Variants in HCN2 observed in about 807,000 individuals in gnomAD.
HCN2 encodes the protein potassium/sodium hyperpolarization-activated cyclic nucleotide-gated channel 2.
In HCN2, 20 loss-of-function variants were observed where a neutral mutation model predicts 52.3. The observed-to-expected ratio is 0.38, with a 90% CI of 0.27 to 0.56. HCN2 has a LOEUF of 0.56. Ranked by LOEUF, HCN2 falls within the 20% of genes least tolerant of loss-of-function variation. The pLI is 0.71. For missense variants in HCN2, 981 were observed against 1,207.7 expected (o/e 0.81, Z 2.78); for synonymous variants, 694 against 537.0 (o/e 1.29, Z -4.04).
intron 2 of HCN2, 73 bp from the exon 3 acceptor site, chr19:604,988 G>A (rs113541645): frequency 0.19 from 272,891 of 1,464,144 alleles, 28,250 homozygotes; most frequent in East Asian, 0.37. Context: ...CAGTGGGGGC[G>A]CACGGGGCTG....
In HCN2 at chr19:590,535, A is replaced by G. The variant is rs777183606; in HGVS notation, c.590A>G (p.Lys197Arg). The G allele has an allele frequency of 6.6e-7, 1 of 1,509,862 alleles. No individual in the cohort carries two copies. Among genetic ancestry groups the G allele is most frequent in the African/African-American group, 1.4e-5 (1 of 69,670 alleles). 93.5% of individuals were successfully genotyped at this position (1,509,862 alleles called of 1,614,324 possible). A position where few individuals can be genotyped will look rare whatever the true frequency, so the allele number is the denominator to read the frequency against. Residue 197 changes from lysine to arginine, a missense_variant, in exon 1 of 8, where the codon AAG becomes AGG. Lys to Arg is a conservative substitution (Grantham distance 26). This residue lies in a region of HCN2 where 23 missense variants were observed against 20.3 expected (regional missense o/e 1.13). Coordinates refer to ENST00000251287, the MANE Select transcript of HCN2 (RefSeq NM_001194.4). This position sits in a 1 kb window ranked among gnomAD's most constrained non-coding sequence, Gnocchi z 7.2. Reference sequence around the variant, plus strand: ...GTGGAGCGCGAGCAGGAGCGCGTCAAGTCGGCGGGGGCCTGGATCATCCAC... The same window carrying G: ...GTGGAGCGCGAGCAGGAGCGCGTCAGGTCGGCGGGGGCCTGGATCATCCAC... ...KAVEREQERV[K>R]SAGAWIIHPY...
chr19:614,442 A>G (rs1340032361), intron 7 of HCN2, among the ~76,000 whole-genome samples: 3 of 152,116 alleles, frequency 2.0e-5, no homozygotes, highest in Non-Finnish European at 4.4e-5. Context: ...ATCACACACG[A>G]CTGGGCTGTG....
intron 1 of HCN2, among the ~76,000 whole-genome samples, chr19:598,769 AT>A (rs1487430037): frequency 1.1e-4 from 16 of 152,166 alleles, no homozygotes; most frequent in African/African-American, 1.7e-4. Context: ...ACACAAAAAA[AT>A]AATACATTTT....
chr19:602,345 C>T (rs868305474), intron 1 of HCN2, among the ~76,000 whole-genome samples: 11 of 100,000 alleles, frequency 1.1e-4, no homozygotes, highest in Admixed American at 5.2e-4. Context: ...CCTGCGTGGA[C>T]GCCCCACTTC....
At chr19:615,687 C>A in intron 7 of HCN2, 108 bp from the exon 8 acceptor site, 1 of 1,029,232 alleles carries the variant, frequency 9.7e-7, no homozygotes, top group Non-Finnish European at 1.5e-6. Flanking sequence ...CATGCTTGCT[C>A]TACACGGCAA....
chr19:616,326 C>A lies in HCN2; in HGVS notation c.2522C>A (p.Ala841Asp). Residue 841 changes from alanine (A) to aspartate (D), a missense_variant, in exon 8 of 8, where the codon GCC becomes GAC. Transcript: ENST00000251287. The part of the protein sequence containing the change: ...APGPAASTRP[A>D]SSSTPRLGPT... ...GGCCCCGCGGCCTCCACACGCCCGG[C>A]CAGCAGCTCCACACCGCGCTTGGGG... 8.5e-7 allele frequency: 1 copy of A among 1,176,706 alleles called. No homozygotes were observed. The highest frequency in any genetic ancestry group is 1.1e-6 in the Non-Finnish European group (1 of 942,568). 72.9% of individuals were successfully genotyped at this position (1,176,706 alleles called of 1,614,324 possible). A position where few individuals can be genotyped will look rare whatever the true frequency, so the allele number is the denominator to read the frequency against.
chr19:590,734 G>A lies in HCN2; in HGVS notation c.632+157G>A. 1 of 451,474 alleles carries A rather than the reference G, an allele frequency of 2.2e-6. No individual in the cohort carries two copies. The highest frequency in any genetic ancestry group is 3.4e-6 in the Non-Finnish European group (1 of 292,258). The allele number at this position is 451,474 out of a possible 1,614,324, so 28.0% of individuals were successfully genotyped here. A position where few individuals can be genotyped will look rare whatever the true frequency, so the allele number is the denominator to read the frequency against. On this transcript the variant is annotated intron_variant, in intron 1 of 7. Transcript: ENST00000251287. The surrounding 1 kb of genome is among the most constrained non-coding windows in gnomAD (Gnocchi z 7.2). ...TCGGGCGTGTCCGGGACCCGCCCCG[G>A]AGTGACCCCGGCGCGCGAGGCTCCG...
chr19:612,393 G>GGTGGGTGTGTGTGTGTGTGTGTGTGTGT (rs1215986490), intron 5 of HCN2, among the ~76,000 whole-genome samples: 2 of 141,770 alleles, frequency 1.4e-5, no homozygotes, highest in African/African-American at 5.2e-5. Context: ...GCTTTCCACT[G>GGTGGGTGTGTGTGTGTGTGTGTGTGTGT]GTGTGTGTGT....
rs1395314817 is a variant in HCN2, at chr19:591,515, G to T, written c.632+938G>T. 6.6e-6 allele frequency among the ~76,000 whole-genome samples: 1 copy of T among 152,160 alleles called. No homozygotes were observed. Among genetic ancestry groups the T allele is most frequent in the Non-Finnish European group, 1.5e-5 (1 of 68,006 alleles). The stretch of plus-strand genomic sequence containing the variant: ...TGTGCACCGGTGGGCAGTAGTGTGA[G>T]CCGCAGGCAGGTCTCACACACGCGA... On this transcript the variant is annotated intron_variant, in intron 1 of 7. Coordinates refer to ENST00000251287, the MANE Select transcript of HCN2 (RefSeq NM_001194.4). The surrounding 1 kb of genome is among the most constrained non-coding windows in gnomAD (Gnocchi z 4.1).
chr19:613,303 A>G lies in HCN2; in HGVS notation c.1640A>G (p.Asn547Ser), dbSNP rs763934353. 5 of 1,612,858 alleles carry G rather than the reference A, an allele frequency of 3.1e-6. No homozygotes were observed. The highest frequency in any genetic ancestry group is 2.2e-5 in the South Asian group (2 of 91,068). Reference sequence around the variant, plus strand: ...GTGGCCTCCATGCCGCTGTTCGCCAACGCCGACCCCAACTTCGTCACGGCC... The same window carrying G: ...GTGGCCTCCATGCCGCTGTTCGCCAGCGCCGACCCCAACTTCGTCACGGCC... The part of the protein sequence containing the change: ...KLVASMPLFA[N>S]ADPNFVTAML... The change falls in exon 6 of 8, where the codon AAC (asparagine) becomes AGC (serine). Residue 547 changes from asparagine to serine, a missense_variant. Transcript: ENST00000251287.
In HCN2 at chr19:592,280, G is replaced by T. The variant is rs1982896740; in HGVS notation, c.632+1703G>T. ...GAGATGGGTGCACCGCAGCGTGGGG[G>T]CTGGCAGGTGGAGGCCCACACCAGC... On this transcript the variant is annotated intron_variant, in intron 1 of 7. Coordinates refer to ENST00000251287, the MANE Select transcript of HCN2 (RefSeq NM_001194.4). The surrounding 1 kb of genome is among the most constrained non-coding windows in gnomAD (Gnocchi z 4.8). Among the ~76,000 whole-genome samples, 1 of 152,212 alleles carries T rather than the reference G, an allele frequency of 6.6e-6. No individual in the cohort carries two copies. Among genetic ancestry groups the T allele is most frequent in the African/African-American group, 2.4e-5 (1 of 41,448 alleles).
intron 1 of HCN2, among the ~76,000 whole-genome samples, chr19:596,594 C>T (rs963766919): frequency 6.6e-6 from 1 of 152,196 alleles, no homozygotes. Flanking sequence ...ATGATGGTCA[C>T]TGATGTTTCT....
chr19:597,652 C>T (rs1455780857), intron 1 of HCN2, among the ~76,000 whole-genome samples: 1 of 150,338 alleles, frequency 6.7e-6, no homozygotes, highest in Non-Finnish European at 1.5e-5. Flanking sequence ...TCTAGGTCTC[C>T]TTGGCGGTTT....
intron 2 of HCN2, 44 bp downstream of exon 2, chr19:604,011 T>A (rs899832922): frequency 7.1e-7 from 1 of 1,408,484 alleles, no homozygotes; most frequent in African/African-American, 1.4e-5. Context: ...GGGGCGGGGC[T>A]ATAATGGTGC....
intron 5 of HCN2, among the ~76,000 whole-genome samples, chr19:612,858 C>T (rs1472984466): frequency 3.1e-5 from 2 of 65,120 alleles, no homozygotes; most frequent in African/African-American, 1.3e-4. Flanking sequence ...TTTTTTTTTC[C>T]GGTAGAGACG....
At chr19:598,452 GCGCACCACCA>G (rs761225451) in intron 1 of HCN2, among the ~76,000 whole-genome samples, 2 of 151,994 alleles carry the variant, frequency 1.3e-5, no homozygotes, top group Non-Finnish European at 2.9e-5. Context: ...GTCCACAGGT[GCGCACCACCA>G]CGCTGGCTAA....
At chr19:614,071 G>A in intron 7 of HCN2, 55 bp downstream of exon 7, 3 of 1,341,438 alleles carry the variant, frequency 2.2e-6, no homozygotes, top group Non-Finnish European at 3.0e-6. Flanking sequence ...GAGGGGCGTG[G>A]CCAAGGCATC....
At chr19:604,948 G>A in intron 2 of HCN2, 113 bp from the exon 3 acceptor site, 1 of 1,197,760 alleles carries the variant, frequency 8.3e-7, no homozygotes, top group Non-Finnish European at 1.1e-6. Flanking sequence ...GCGGGGCCTT[G>A]GATTTGGGGG....
At position 615,692 on chromosome 19, in the gene HCN2, C is replaced by CA. The variant is rs1983870603; in HGVS notation, c.1991-103_1991-102insA. ...GTGGTAAATGCATGCTTGCTCTACA[C>CA]GGCAAGCACTGTGTGCGCACCCGCG... is the stretch of plus-strand genomic sequence containing the variant. On this transcript the variant is annotated intron_variant, in intron 7 of 7. Transcript: ENST00000251287. 14 of 1,077,628 alleles carry CA rather than the reference C, an allele frequency of 1.3e-5. 1 individual carries two copies. The South Asian group carries it at 1.8e-4, about 14-fold the overall frequency. The allele number at this position is 1,077,628 out of a possible 1,614,324, so 66.8% of individuals were successfully genotyped here. A position where few individuals can be genotyped will look rare whatever the true frequency, so the allele number is the denominator to read the frequency against.
Sources: allele counts gnomAD v4.1 joint callset (sites outside exome capture counted in the v4.1 genomes callset), GRCh38; gene constraint gnomAD v4.1.1; regional missense constraint gnomAD v4.1.1; non-coding constraint Gnocchi (gnomAD v3.1); transcripts MANE v1.5; gene names NCBI Gene and HGNC (gene_info 2026-07-23, HGNC 2026-07-21).